PDZRN3: variants seen among roughly 807,000 people sequenced by gnomAD.
PDZRN3 encodes E3 ubiquitin-protein ligase PDZRN3.
A neutral mutation model predicts 85.7 loss-of-function variants in PDZRN3; 38 were observed. The observed-to-expected ratio is 0.44, with a 90% CI of 0.34 to 0.58. The LOEUF (loss-of-function observed/expected upper bound fraction) is 0.58. Among genes scored for constraint, PDZRN3 ranks in the 20% least tolerant of loss-of-function variants. PDZRN3 has a pLI of 0.01. For synonymous variants in PDZRN3, 759 were observed against 638.0 expected, an observed-to-expected ratio of 1.19 and a Z score of -2.86; for missense variants, 1,629 against 1,506.4, an observed-to-expected ratio of 1.08 and a Z score of -1.35.
intron 3 of PDZRN3, among the ~76,000 whole-genome samples, chr3:73,533,547 G>T (rs930153317): frequency 2.1e-4 from 30 of 145,492 alleles, no homozygotes; most frequent in African/African-American, 6.5e-4. Flanking sequence ...TTAAAAAATT[G>T]TTTTTTTTTT....
chr3:73,493,534 A>T (rs1703814148), intron 3 of PDZRN3, among the ~76,000 whole-genome samples: 3 of 152,094 alleles, frequency 2.0e-5, no homozygotes, highest in Non-Finnish European at 4.4e-5. Flanking sequence ...GCACTCATGG[A>T]AAATCAGAGA....
chr3:73,600,337 A>ACACACACACACTCTCTCTCTCTCT (rs34405662), intron 3 of PDZRN3, among the ~76,000 whole-genome samples: 1 of 100,052 alleles, frequency 1.0e-5, no homozygotes, highest in Non-Finnish European at 1.9e-5. Context: ...ACACACACAC[A>ACACACACACACTCTCTCTCTCTCT]CTCTCTCTCT....
intron 3 of PDZRN3, among the ~76,000 whole-genome samples, chr3:73,489,833 A>T (rs560015250): frequency 1.5e-3 from 228 of 151,854 alleles, no homozygotes; most frequent in Middle Eastern, 6.8e-3. Flanking sequence ...CAGCCTCCCA[A>T]AGTGCTGGGA....
At chr3:73,604,850 A>C (rs185044231) in intron 2 of PDZRN3, among the ~76,000 whole-genome samples, 1 of 152,340 alleles carries the variant, frequency 6.6e-6, no homozygotes, top group Admixed American at 6.5e-5. Context: ...CAAAAATCAG[A>C]GAGGAAGAAG....
intron 3 of PDZRN3, among the ~76,000 whole-genome samples, chr3:73,568,690 CCA>C (rs1393243225): frequency 1.3e-5 from 2 of 152,210 alleles, no homozygotes; most frequent in Non-Finnish European, 2.9e-5. Context: ...GACTTGCTGG[CCA>C]ACAACCAAAC....
rs1019566179 is a variant in PDZRN3 at position 73,503,605 on chromosome 3, T to C, written c.918+98749A>G. ...TGCTTTGTTTGGTAGTTTTTGACTA[T>C]AGAGGACATCATCTAATGCTTTTCC... On this transcript the variant is annotated intron_variant, in intron 3 of 9. Transcript: ENST00000263666. Among the ~76,000 whole-genome samples the C allele has an allele frequency of 6.2e-4, 95 of 152,350 alleles. 1 individual carries two copies. Among genetic ancestry groups the C allele is most frequent in the African/African-American group, 2.1e-3 (88 of 41,590 alleles).
chr3:73,540,887 T>C (rs935598298), intron 3 of PDZRN3, among the ~76,000 whole-genome samples: 3 of 152,196 alleles, frequency 2.0e-5, no homozygotes, highest in African/African-American at 7.2e-5. Context: ...AACACTTACA[T>C]TTATTAATAT....
intron 3 of PDZRN3, among the ~76,000 whole-genome samples, chr3:73,473,883 C>T (rs983475781): frequency 6.6e-5 from 10 of 152,168 alleles, no homozygotes; most frequent in African/African-American, 1.9e-4. Context: ...CAGAACCACT[C>T]GGGTGAGCCA....
chr3:73,386,640 C>T (rs1211836596), intron 8 of PDZRN3, among the ~76,000 whole-genome samples: 1 of 152,372 alleles, frequency 6.6e-6, no homozygotes, highest in Admixed American at 6.5e-5. Context: ...CACAGCCATG[C>T]TCATTCGCTG....
chr3:73,447,067 A>AATATAT (rs35272683), intron 3 of PDZRN3, among the ~76,000 whole-genome samples: 157 of 141,946 alleles, frequency 1.1e-3, no homozygotes, highest in African/African-American at 3.9e-3. Flanking sequence ...AAAGAATTGC[A>AATATAT]ATATATATAT....
chr3:73,454,105 A>G (rs188715799), intron 3 of PDZRN3, among the ~76,000 whole-genome samples: 6 of 152,328 alleles, frequency 3.9e-5, no homozygotes, highest in Admixed American at 1.3e-4. Context: ...AAGATTCCTC[A>G]TTTTAAGACC....
At chr3:73,387,849 T>C in intron 8 of PDZRN3, 119 bp downstream of exon 8, 1 of 613,504 alleles carries the variant, frequency 1.6e-6, no homozygotes, top group East Asian at 2.7e-5. Flanking sequence ...TTGATTACAT[T>C]TCCAGGGAAC....
chr3:73,545,249 C>A (rs534308121), intron 3 of PDZRN3, among the ~76,000 whole-genome samples: 2 of 152,240 alleles, frequency 1.3e-5, no homozygotes, highest in South Asian at 4.2e-4. Context: ...CCACCAGGGC[C>A]CCTTTCATTA....
intron 3 of PDZRN3, among the ~76,000 whole-genome samples, chr3:73,461,366 C>T (rs1200180847): frequency 6.6e-6 from 1 of 152,170 alleles, no homozygotes; most frequent in African/African-American, 2.4e-5. Flanking sequence ...ATGGAATGTG[C>T]AGCATGAGTT....
chr3:73,399,713 G>A (rs1336871169), intron 5 of PDZRN3, among the ~76,000 whole-genome samples: 1 of 152,148 alleles, frequency 6.6e-6, no homozygotes, highest in Admixed American at 6.5e-5. Flanking sequence ...GTGGCTGACA[G>A]CAAGCAGAAA....
intron 1 of PDZRN3, among the ~76,000 whole-genome samples, chr3:73,616,728 G>C (rs982974764): frequency 2.6e-5 from 4 of 152,174 alleles, no homozygotes; most frequent in Admixed American, 2.6e-4. Context: ...GCACTTAATA[G>C]ACAGTCAAGA....
chr3:73,571,068 C>G (rs759887088), intron 3 of PDZRN3, among the ~76,000 whole-genome samples: 1 of 152,190 alleles, frequency 6.6e-6, no homozygotes, highest in Non-Finnish European at 1.5e-5. Context: ...AGTGTATGGA[C>G]TAAGTTTTTG....
chr3:73,394,769 T>G (rs1210330182), intron 5 of PDZRN3, among the ~76,000 whole-genome samples: 1 of 152,224 alleles, frequency 6.6e-6, no homozygotes, highest in East Asian at 1.9e-4. Flanking sequence ...TCATTTAATT[T>G]TCAAGGGATG....
intron 3 of PDZRN3, among the ~76,000 whole-genome samples, chr3:73,562,321 G>C (rs1254857264): frequency 3.3e-5 from 5 of 152,132 alleles, no homozygotes; most frequent in African/African-American, 1.2e-4. Context: ...AATATAGATA[G>C]TGTTTTGTAC....
Sources: allele counts gnomAD v4.1 joint callset (sites outside exome capture counted in the v4.1 genomes callset), GRCh38; gene constraint gnomAD v4.1.1; transcripts MANE v1.5; gene names NCBI Gene and HGNC (gene_info 2026-07-23, HGNC 2026-07-21).